Variants in EVI5 observed in about 807,000 individuals in gnomAD.
The protein encoded by EVI5 is ecotropic viral integration site 5, also known as ecotropic viral integration site 5 protein homolog.
A neutral mutation model predicts 112.0 loss-of-function variants in EVI5; 73 were observed. That is an observed-to-expected ratio of 0.65 (90% confidence interval 0.54 to 0.79). The LOEUF (loss-of-function observed/expected upper bound fraction) is 0.79, where lower values mean the gene tolerates loss of function less well. EVI5 is among the 30% of genes least tolerant of loss of function. The pLI is 0.00. For missense variants in EVI5, 900 were observed against 968.8 expected (o/e 0.93, Z 0.94); for synonymous variants, 305 against 319.9 (o/e 0.95, Z 0.50).
At chr1:92,559,316 C>T (rs1668154314) in intron 19 of EVI5, among the ~76,000 whole-genome samples, 2 of 152,168 alleles carry the variant, frequency 1.3e-5, no homozygotes, top group African/African-American at 2.4e-5. Flanking sequence ...GCAATCTGAC[C>T]TCACTTGCCT....
At chr1:92,556,378 A>C (rs926086873) in intron 19 of EVI5, among the ~76,000 whole-genome samples, 2 of 152,164 alleles carry the variant, frequency 1.3e-5, no homozygotes, top group East Asian at 1.9e-4. Context: ...TACAAGCATA[A>C]GGAAAAAAAA....
At chr1:92,539,450 G>A (rs572130028) in intron 19 of EVI5, among the ~76,000 whole-genome samples, 204 of 151,462 alleles carry the variant, frequency 1.3e-3, no homozygotes, top group Non-Finnish European at 2.3e-3. Flanking sequence ...GGGTGAGGCT[G>A]GAGGATGGCG....
chr1:92,705,629 T>A (rs993631100), intron 2 of EVI5, among the ~76,000 whole-genome samples: 2 of 152,194 alleles, frequency 1.3e-5, no homozygotes, highest in African/African-American at 4.8e-5. Context: ...CCTCCTTATC[T>A]GTTGAAAGAA....
chr1:92,697,800 C>T, intron 6 of EVI5, 60 bp downstream of exon 6: 1 of 1,410,312 alleles, frequency 7.1e-7, no homozygotes, highest in Non-Finnish European at 9.8e-7. Flanking sequence ...AGTTGGCACT[C>T]AGAACAAGAT....
chr1:92,758,631 A>G (rs1488286367), intron 1 of EVI5, among the ~76,000 whole-genome samples: 2 of 152,120 alleles, frequency 1.3e-5, no homozygotes, highest in African/African-American at 2.4e-5. Flanking sequence ...CAAAATGTTA[A>G]TGCAACAAAA....
Position 92,640,986 on chromosome 1 carries a change from G to GTATGTTC in EVI5, c.1393-4657_1393-4651dup, listed in dbSNP as rs936365259. On this transcript the variant is annotated intron_variant, in intron 13 of 19. Transcript: ENST00000684568. ...ACACAGGAACAGAATACCAAACACC[G>GTATGTTC]TATGTTCTCACTCTTAAGTGGGAGC... Among the ~76,000 whole-genome samples the GTATGTTC allele has an allele frequency of 1.1e-3, 174 of 152,182 alleles. 1 individual carries two copies. The highest frequency in any genetic ancestry group is 4.1e-3 in the African/African-American group (169 of 41,510).
chr1:92,676,727 T>G (rs1230967760), intron 10 of EVI5, among the ~76,000 whole-genome samples: 1 of 152,202 alleles, frequency 6.6e-6, no homozygotes, highest in East Asian at 1.9e-4. Context: ...GAAGAAAAAG[T>G]CGTATCAGTC....
intron 16 of EVI5, among the ~76,000 whole-genome samples, chr1:92,611,076 A>G (rs1200333461): frequency 6.6e-6 from 1 of 151,496 alleles, no homozygotes; most frequent in Non-Finnish European, 1.5e-5. Flanking sequence ...GTGCACATGT[A>G]CCCTAAAACT....
At chr1:92,698,098 G>T in intron 5 of EVI5, 113 bp from the exon 6 acceptor site, 1 of 897,164 alleles carries the variant, frequency 1.1e-6, no homozygotes, top group Non-Finnish European at 1.7e-6. Flanking sequence ...GAGTGGCTGT[G>T]TGCTGCAATG....
chr1:92,770,349 T>C (rs372272504), intron 1 of EVI5, among the ~76,000 whole-genome samples: 3 of 152,216 alleles, frequency 2.0e-5, no homozygotes, highest in East Asian at 1.9e-4. Context: ...CAATCCTCTA[T>C]TGATGGATAC....
chr1:92,581,202 C>T (rs1479258494), intron 18 of EVI5, among the ~76,000 whole-genome samples: 1 of 152,116 alleles, frequency 6.6e-6, no homozygotes, highest in African/African-American at 2.4e-5. Flanking sequence ...TCTCACTTTT[C>T]TATAGTCTCA....
rs578222956 is a variant in EVI5 at position 92,586,276 on chromosome 1, G to A, written c.2070+19031C>T. ...AGGGAAGTTGCTAAGTGCAGCCCAT[G>A]CTTATGGAGTGGAGATTTATACTTC... On this transcript the variant is annotated intron_variant, in intron 18 of 19. Transcript: ENST00000684568. Among the ~76,000 whole-genome samples the A allele has an allele frequency of 5.8e-4, 89 of 152,218 alleles. No individual in the cohort carries two copies. The South Asian group carries it at 0.012, about 21-fold the overall frequency.
intron 19 of EVI5, among the ~76,000 whole-genome samples, chr1:92,553,855 T>A (rs1667330068): frequency 6.6e-6 from 1 of 152,242 alleles, no homozygotes; most frequent in African/African-American, 2.4e-5. Context: ...CTGGAAACAT[T>A]GGTGGAAGTT....
At chr1:92,596,848 GA>G (rs1648025360) in intron 18 of EVI5, among the ~76,000 whole-genome samples, 1 of 152,072 alleles carries the variant, frequency 6.6e-6, no homozygotes, top group Non-Finnish European at 1.5e-5. Context: ...TATCTTTAAG[GA>G]AACTCAAAGA....
intron 9 of EVI5, among the ~76,000 whole-genome samples, chr1:92,682,187 G>A (rs957594109): frequency 6.6e-6 from 1 of 152,060 alleles, no homozygotes; most frequent in Non-Finnish European, 1.5e-5. Flanking sequence ...TTATTGTACT[G>A]TAGGACACAC....
intron 13 of EVI5, among the ~76,000 whole-genome samples, chr1:92,653,678 T>C (rs1010037620): frequency 6.6e-6 from 1 of 152,152 alleles, no homozygotes; most frequent in Non-Finnish European, 1.5e-5. Flanking sequence ...ATATCTAAGC[T>C]TGTGCAAAAG....
rs147205299 is a variant in EVI5 at position 92,728,088 on chromosome 1, T to C, written c.149+8310A>G. On this transcript the variant is annotated intron_variant, in intron 2 of 19. Coordinates refer to ENST00000684568, the MANE Select transcript of EVI5 (RefSeq NM_001350197.2). ...ATGTTAACACTATTCAAAAGGAAGC[T>C]AGAGTGACTATATTAATATAAGATA... Among the ~76,000 whole-genome samples the C allele has an allele frequency of 5.6e-3, 855 of 151,494 alleles. 5 individuals are homozygous for C. The highest frequency in any genetic ancestry group is 9.4e-3 in the Non-Finnish European group (639 of 67,902).
chr1:92,732,510 C>G, intron 2 of EVI5: 1 of 195,872 alleles, frequency 5.1e-6, no homozygotes, highest in Non-Finnish European at 1.0e-5. Context: ...GTTTTCTTAC[C>G]TAAGGGGAGC....
At chr1:92,721,779 C>A (rs957353611) in intron 2 of EVI5, among the ~76,000 whole-genome samples, 1 of 152,082 alleles carries the variant, frequency 6.6e-6, no homozygotes, top group African/African-American at 2.4e-5. Flanking sequence ...TGGGAATAAG[C>A]AATTCATCTA....
Sources: gnomAD v4.1 joint callset for allele counts (sites outside exome capture counted in the v4.1 genomes callset) on GRCh38, gnomAD v4.1.1 for gene constraint, MANE v1.5 for transcripts, NCBI Gene and HGNC (gene_info 2026-07-23, HGNC 2026-07-21) for gene names.